Variants in NEK8 observed in about 807,000 individuals in gnomAD.
NEK8 encodes serine/threonine-protein kinase Nek8.
NEK8 carries 51 observed loss-of-function variants against 77.2 expected under a neutral mutation model. The observed-to-expected ratio is 0.66, with a 90% CI of 0.53 to 0.83. NEK8 has a LOEUF of 0.83. Among genes scored for constraint, NEK8 ranks in the 40% least tolerant of loss-of-function variants. The pLI is 0.00. For synonymous variants in NEK8, 365 were observed against 363.2 expected, an observed-to-expected ratio of 1.00 and a Z score of -0.06; for missense variants, 787 against 909.2, an observed-to-expected ratio of 0.87 and a Z score of 1.73.
chr17:28,731,152 G>A (rs1274928743), intron 1 of NEK8, among the ~76,000 whole-genome samples: 3 of 152,038 alleles, frequency 2.0e-5, no homozygotes, highest in South Asian at 2.1e-4. Flanking sequence ...CAGGAGAATC[G>A]CTTGAACCTG....
At chr17:28,732,952 T>C (rs2034325337) in intron 1 of NEK8, 1 of 152,056 alleles carries the variant, frequency 6.6e-6, no homozygotes, top group South Asian at 2.1e-4. Context: ...TGGCTAACTG[T>C]ATCTTCAATG....
intron 1 of NEK8, among the ~76,000 whole-genome samples, chr17:28,729,803 C>T (rs1359448266): frequency 1.3e-5 from 2 of 152,144 alleles, no homozygotes; most frequent in East Asian, 1.9e-4. Flanking sequence ...GCGCCGGCCT[C>T]CCTAAGTGCT....
Position 28,741,518 on chromosome 17 carries a change from A to T in NEK8, c.1997A>T (p.Tyr666Phe). 1.2e-6 allele frequency: 2 copies of T among 1,614,072 alleles called. No individual in the cohort carries two copies. The highest frequency in any genetic ancestry group is 1.7e-6 in the Non-Finnish European group (2 of 1,179,994). ...GTGCAGTTGGATGAGACACACCCTT[A>T]CACGGTGACTTCCGTGTCCTGTTGC... ...RPVQLDETHPYTVTSVSCCHG... is the reference protein window; with the variant it reads ...RPVQLDETHPFTVTSVSCCHG... The change falls in exon 14 of 15, where the codon TAC becomes TTC. Residue 666 changes from tyrosine (Y) to phenylalanine (F), a missense_variant. Tyr to Phe is a conservative substitution (Grantham distance 22). Transcript: ENST00000268766. The surrounding 1 kb of genome is among the most constrained non-coding windows in gnomAD (Gnocchi z 4.5).
chr17:28,731,908 ATTTTTTTTTTTTTTTTTTTTTTTTTTT>A (rs71135844), intron 1 of NEK8, among the ~76,000 whole-genome samples: 1 of 52,512 alleles, frequency 1.9e-5, no homozygotes, highest in Non-Finnish European at 3.5e-5. Flanking sequence ...CCTGGCCCCA[ATTTTTTTTTTTTTTTTTTTTTTTTTTT>A]TTTTTTTTTT....
intron 9 of NEK8, 28 bp downstream of exon 9, chr17:28,738,775 G>A (rs542775797): frequency 6.4e-5 from 100 of 1,566,864 alleles, no homozygotes; most frequent in Non-Finnish European, 8.5e-5. Context: ...CTTGGGAAGG[G>A]GAAGTCGGGG....
chr17:28,737,453 C>G lies in NEK8; in HGVS notation c.766C>G (p.Pro256Ala), dbSNP rs953366293. The G allele has an allele frequency of 1.9e-6, 3 of 1,613,144 alleles. No individual in the cohort carries two copies. The highest frequency in any genetic ancestry group is 2.5e-6 in the Non-Finnish European group (3 of 1,180,022). Residue 256 changes from proline to alanine, a missense_variant, in exon 5 of 15, where the codon CCC becomes GCC. Transcript: ENST00000268766. This position sits in a 1 kb window ranked among gnomAD's most constrained non-coding sequence, Gnocchi z 4.8. ...ACCACTCAGCCACATCATGGCACAG[C>G]CCCTCTGCATCCGTGCCCTCCTCAA... is the stretch of plus-strand genomic sequence containing the variant. ...RPPLSHIMAQPLCIRALLNLH... is the reference protein window; with the variant it reads ...RPPLSHIMAQALCIRALLNLH...
rs780922648 is a variant in NEK8, at chr17:28,738,169, G to C, written c.1146G>C (p.Ser382=). ...AVEQPQPQFI[S]RFLEGQSGVT... ...AGCAGCCACAGCCCCAGTTCATCTC[G>C]CGTTTCCTGGAGGGCCAGTCGGGTG... Residue 382 remains serine (S), a synonymous_variant, in exon 8 of 15, where the codon TCG becomes TCC. Coordinates refer to ENST00000268766, the MANE Select transcript of NEK8 (RefSeq NM_178170.3). The C allele has an allele frequency of 6.2e-7, 1 of 1,614,128 alleles. No homozygotes were observed. Among genetic ancestry groups the C allele is most frequent in the South Asian group, 1.1e-5 (1 of 91,080 alleles).
chr17:28,739,623 A>G (rs2034400290), intron 10 of NEK8, among the ~76,000 whole-genome samples: 1 of 152,072 alleles, frequency 6.6e-6, no homozygotes, highest in South Asian at 2.1e-4. Context: ...AAATTTTTGT[A>G]TTTTTAGTAG....
rs948634642 is a variant in NEK8 at position 28,741,830 on chromosome 17, G to T, written c.2051-129G>T. 6.6e-5 allele frequency: 69 copies of T among 1,051,124 alleles called. No individual in the cohort carries two copies. The highest frequency in any genetic ancestry group is 1.0e-4 in the Non-Finnish European group (68 of 671,998). 65.1% of individuals were successfully genotyped at this position (1,051,124 alleles called of 1,614,324 possible). A position where few individuals can be genotyped will look rare whatever the true frequency, so the allele number is the denominator to read the frequency against. On this transcript the variant is annotated intron_variant, in intron 14 of 14. Transcript: ENST00000268766. This position sits in a 1 kb window ranked among gnomAD's most constrained non-coding sequence, Gnocchi z 4.5. ...CTTTCTCCTACTGCTGAGTCCCGTT[G>T]ATGCTGAAACTCTCTTTCTGGCCTA...
chr17:28,730,633 G>C (rs1325990668), intron 1 of NEK8, among the ~76,000 whole-genome samples: 2 of 152,170 alleles, frequency 1.3e-5, no homozygotes, highest in African/African-American at 4.8e-5. Context: ...TTTCTGAAAA[G>C]GGGCAGGGTG....
rs1336986212 is a variant in NEK8 at position 28,741,870 on chromosome 17, C to G, written c.2051-89C>G. ...TTTCTGGCCTAACAGGGTCCAGAAT[C>G]CAGGGCCCAGTGGGAGTGGGAGGTG... On this transcript the variant is annotated intron_variant, in intron 14 of 14. Coordinates refer to ENST00000268766, the MANE Select transcript of NEK8 (RefSeq NM_178170.3). This position sits in a 1 kb window ranked among gnomAD's most constrained non-coding sequence, Gnocchi z 4.5. The G allele has an allele frequency of 7.2e-7, 1 of 1,387,254 alleles. No homozygotes were observed. The highest frequency in any genetic ancestry group is 1.0e-6 in the Non-Finnish European group (1 of 972,904). 85.9% of individuals were successfully genotyped at this position (1,387,254 alleles called of 1,614,324 possible). A position where few individuals can be genotyped will look rare whatever the true frequency, so the allele number is the denominator to read the frequency against.
Position 28,735,002 on chromosome 17 carries a change from A to G in NEK8, c.484A>G (p.Thr162Ala). The change falls in exon 3 of 15, where the codon ACG becomes GCG. Residue 162 changes from threonine to alanine, a missense_variant and splice_region_variant. By Grantham distance (58) the Thr-to-Ala change is moderately conservative (BLOSUM62 0). Around this residue, in one of 2 missense-constraint regions of NEK8, gnomAD observed 271 missense variants for 365.1 expected, o/e 0.74. Coordinates refer to ENST00000268766, the MANE Select transcript of NEK8 (RefSeq NM_178170.3). The stretch of plus-strand genomic sequence containing the variant: ...CCTTAGCAGCAAGAGCAAGGCCTAC[A>G]CGGTGCCTGGGCATGGAAGGGACCT... ...KILSSKSKAYTVVGTPCYISP... is the reference protein window; with the variant it reads ...KILSSKSKAYAVVGTPCYISP... 6.2e-7 allele frequency: 1 copy of G among 1,608,966 alleles called. No individual in the cohort carries two copies.
At chr17:28,730,108 GTTTTGTTTTTGT>G (rs923559744) in intron 1 of NEK8, among the ~76,000 whole-genome samples, 2 of 152,016 alleles carry the variant, frequency 1.3e-5, no homozygotes, top group Non-Finnish European at 1.5e-5. Context: ...AAACGGTTTT[GTTTTGTTTTTGT>G]TTTTGTTTTT....
At chr17:28,739,040 C>T (rs1338631378) in intron 9 of NEK8, 44 bp from the exon 10 acceptor site, 1 of 1,449,400 alleles carries the variant, frequency 6.9e-7, no homozygotes, top group South Asian at 1.1e-5. Context: ...CCAGATGGCT[C>T]CAGACCCTTT....
In NEK8 at chr17:28,742,484, C is replaced by CTCAGGAG. The variant is rs1183662546; in HGVS notation, c.*498_*504dup. On this transcript the variant is annotated 3_prime_UTR_variant, in exon 15 of 15. Coordinates refer to ENST00000268766, the MANE Select transcript of NEK8 (RefSeq NM_178170.3). Reference sequence around the variant, plus strand: ...TGGCACGCGCCTGTAGTCCCAGCTGCTCAGGAGGCTGAGGCAGGAGAATGG... The same window carrying CTCAGGAG: ...TGGCACGCGCCTGTAGTCCCAGCTGCTCAGGAGTCAGGAGGCTGAGGCAGGAGAATGG... 1 of 193,350 alleles carries CTCAGGAG rather than the reference C, an allele frequency of 5.2e-6. No individual in the cohort carries two copies. Among genetic ancestry groups the CTCAGGAG allele is most frequent in the Non-Finnish European group, 1.1e-5 (1 of 91,212 alleles). 12.0% of individuals were successfully genotyped at this position (193,350 alleles called of 1,614,324 possible).
Position 28,737,777 on chromosome 17 carries a change from C to G in NEK8, c.889+41C>G, listed in dbSNP as rs1250972074. 1 of 1,613,946 alleles carries G rather than the reference C, an allele frequency of 6.2e-7. No individual in the cohort carries two copies. The highest frequency in any genetic ancestry group is 8.5e-7 in the Non-Finnish European group (1 of 1,179,942). On this transcript the variant is annotated intron_variant, in intron 6 of 14. Coordinates refer to ENST00000268766, the MANE Select transcript of NEK8 (RefSeq NM_178170.3). This position sits in a 1 kb window ranked among gnomAD's most constrained non-coding sequence, Gnocchi z 4.8. Reference sequence around the variant, plus strand: ...CCGCCAGTCCCCATGGATGCCACACCATTCCCATCAGTTTAATAGTCCCCA... The same window carrying G: ...CCGCCAGTCCCCATGGATGCCACACGATTCCCATCAGTTTAATAGTCCCCA...
intron 1 of NEK8, among the ~76,000 whole-genome samples, chr17:28,729,227 CATT>C (rs1488792196): frequency 3.3e-5 from 5 of 152,226 alleles, no homozygotes; most frequent in Admixed American, 6.5e-5. Context: ...ATAAACAAAA[CATT>C]ATGAAGTAAG....
chr17:28,734,851 G>A lies in NEK8; in HGVS notation c.333G>A (p.Gln111=). The part of the protein sequence containing the change: ...EEETILHFFV[Q]ILLALHHVHT... ...AGACCATCCTGCACTTCTTCGTGCA[G>A]ATCCTGCTTGCACTGCATCATGTGC... The change falls in exon 3 of 15, where the codon CAG becomes CAA. Residue 111 remains glutamine, a synonymous_variant. Coordinates refer to ENST00000268766, the MANE Select transcript of NEK8 (RefSeq NM_178170.3). The A allele has an allele frequency of 6.2e-7, 1 of 1,613,876 alleles. No homozygotes were observed. The highest frequency in any genetic ancestry group is 8.5e-7 in the Non-Finnish European group (1 of 1,180,024).
intron 1 of NEK8, among the ~76,000 whole-genome samples, chr17:28,731,608 C>CT (rs201658927): frequency 6.0e-4 from 88 of 147,690 alleles, no homozygotes; most frequent in East Asian, 2.4e-3. Context: ...TTCTTTCTTT[C>CT]TTTTTTTTTT....
Sources: gnomAD v4.1 joint callset for allele counts (sites outside exome capture counted in the v4.1 genomes callset) on GRCh38, gnomAD v4.1.1 for gene constraint, gnomAD v4.1.1 regional missense constraint, Gnocchi (gnomAD v3.1) non-coding constraint, MANE v1.5 for transcripts, NCBI Gene and HGNC (gene_info 2026-07-23, HGNC 2026-07-21) for gene names.